The following PRKAR1B variants were observed in gnomAD, a reference collection of about 807,000 sequenced individuals.
PRKAR1B encodes the protein protein kinase cAMP-dependent type I regulatory subunit beta.
A neutral mutation model predicts 46.5 loss-of-function variants in PRKAR1B; 22 were observed. The ratio of observed to expected loss-of-function variants is 0.47; its 90% confidence interval spans 0.34 to 0.68. PRKAR1B has a LOEUF of 0.68. PRKAR1B is among the 30% of genes least tolerant of loss of function. PRKAR1B has a pLI of 0.01. For synonymous variants in PRKAR1B, 259 were observed against 217.7 expected (o/e 1.19, Z -1.67); for missense variants, 445 against 535.6 (o/e 0.83, Z 1.67).
chr7:649,587 T>A (rs540068130), intron 4 of PRKAR1B, among the ~76,000 whole-genome samples: 1 of 151,494 alleles, frequency 6.6e-6, no homozygotes, highest in East Asian at 1.9e-4. Context: ...TTATTTATTT[T>A]TATTTTTTGA....
At chr7:610,391 G>C (rs1782413533) in intron 4 of PRKAR1B, among the ~76,000 whole-genome samples, 1 of 152,212 alleles carries the variant, frequency 6.6e-6, no homozygotes, top group Admixed American at 6.5e-5. Flanking sequence ...CCCTCCTGGA[G>C]TGCCTCTTAA....
At chr7:605,941 C>T (rs539924131) in intron 6 of PRKAR1B, among the ~76,000 whole-genome samples, 101 of 152,302 alleles carry the variant, frequency 6.6e-4, no homozygotes, top group African/African-American at 2.1e-3. Context: ...CGGGGGCAAG[C>T]GGAAGACAGC....
chr7:575,530 A>C (rs1230828374), intron 9 of PRKAR1B, among the ~76,000 whole-genome samples: 4 of 152,152 alleles, frequency 2.6e-5, no homozygotes, highest in African/African-American at 9.7e-5. Context: ...ATTTGAAGCC[A>C]TCTTTTTTTG....
intron 2 of PRKAR1B, among the ~76,000 whole-genome samples, chr7:695,170 A>G (rs1340249512): frequency 6.6e-6 from 1 of 152,152 alleles, no homozygotes; most frequent in African/African-American, 2.4e-5. Flanking sequence ...TCAGCTACTC[A>G]CAGTCGCTCT....
At chr7:707,713 G>C (rs1780404144) in intron 2 of PRKAR1B, among the ~76,000 whole-genome samples, 1 of 152,168 alleles carries the variant, frequency 6.6e-6, no homozygotes, top group Admixed American at 6.6e-5. Context: ...ACACTGTCAG[G>C]GGGCAGAACA....
intron 2 of PRKAR1B, among the ~76,000 whole-genome samples, chr7:685,274 ATATACGTATATATATG>A (rs1164635533): frequency 3.4e-5 from 1 of 29,588 alleles, no homozygotes; most frequent in East Asian, 9.2e-4. Context: ...ATATACGTAT[ATATACGTATATATATG>A]TATACATATA....
chr7:726,940 GCGCGCCTACTGCTGC>G (rs1194168291), intron 1 of PRKAR1B: 2 of 1,340,196 alleles, frequency 1.5e-6, no homozygotes, highest in Non-Finnish European at 1.9e-6. Context: ...GGGCCCCTGG[GCGCGCCTACTGCTGC>G]CGCGCTTGCT....
chr7:583,115 G>A (rs1780294675), intron 8 of PRKAR1B, among the ~76,000 whole-genome samples: 1 of 152,066 alleles, frequency 6.6e-6, no homozygotes, highest in South Asian at 2.1e-4. Context: ...GGGTGAGGAC[G>A]GGGCTCTGGG....
intron 9 of PRKAR1B, among the ~76,000 whole-genome samples, chr7:556,663 G>A (rs1562516323): frequency 6.6e-6 from 1 of 152,190 alleles, no homozygotes; most frequent in Non-Finnish European, 1.5e-5. Flanking sequence ...TGGACAGGAG[G>A]GGCCGAGGCC....
chr7:655,181 A>G (rs1250031733), intron 4 of PRKAR1B, among the ~76,000 whole-genome samples: 2 of 152,216 alleles, frequency 1.3e-5, no homozygotes, highest in Admixed American at 1.3e-4. Context: ...AAGAGCCGAC[A>G]TGCTATGCCT....
At chr7:706,444 G>T (rs1298634302) in intron 2 of PRKAR1B, among the ~76,000 whole-genome samples, 2 of 39,996 alleles carry the variant, frequency 5.0e-5, no homozygotes, top group African/African-American at 9.3e-5. Context: ...TTTTTTTTGA[G>T]ACGGAGTCTC....
intron 4 of PRKAR1B, among the ~76,000 whole-genome samples, chr7:632,516 T>C (rs1461255034): frequency 3.3e-5 from 5 of 152,206 alleles, no homozygotes; most frequent in African/African-American, 7.2e-5. Context: ...TGCCGGGTCA[T>C]GGCACTGGTA....
chr7:604,990 T>C (rs1328889276), intron 6 of PRKAR1B, among the ~76,000 whole-genome samples: 2 of 151,994 alleles, frequency 1.3e-5, no homozygotes, highest in Non-Finnish European at 2.9e-5. Context: ...TTCCAGTCTG[T>C]GTGCAGAAAG....
chr7:566,101 G>A (rs1457758517), intron 9 of PRKAR1B, among the ~76,000 whole-genome samples: 1 of 105,284 alleles, frequency 9.5e-6, no homozygotes, highest in Admixed American at 9.3e-5. Flanking sequence ...GTTTGAAACA[G>A]AGTAAAAGCT....
At chr7:564,855 C>A (rs1172283081) in intron 9 of PRKAR1B, among the ~76,000 whole-genome samples, 2 of 152,160 alleles carry the variant, frequency 1.3e-5, no homozygotes, top group East Asian at 1.9e-4. Flanking sequence ...CAGGCGGATG[C>A]CCCCCAACCT....
intron 9 of PRKAR1B, among the ~76,000 whole-genome samples, chr7:556,233 C>T (rs1454019186): frequency 1.3e-5 from 2 of 152,084 alleles, no homozygotes; most frequent in African/African-American, 2.4e-5. Flanking sequence ...TGACTGGACA[C>T]CCACCACGTG....
chr7:625,587 GCTACAGGTCCTATGGACAAGGGGCATCA>G (rs1783343114), intron 4 of PRKAR1B, among the ~76,000 whole-genome samples: 1 of 145,792 alleles, frequency 6.9e-6, no homozygotes, highest in Non-Finnish European at 1.5e-5. Context: ...AAGGGGCACC[GCTACAGGTCCTATGGACAAGGGGCATCA>G]CTACAGGTCC....
chr7:703,861 A>G (rs1780183698), intron 2 of PRKAR1B, among the ~76,000 whole-genome samples: 1 of 152,162 alleles, frequency 6.6e-6, no homozygotes, highest in South Asian at 2.1e-4. Flanking sequence ...AAACCATATA[A>G]GCTATGTTCC....
intron 2 of PRKAR1B, among the ~76,000 whole-genome samples, chr7:701,470 G>A (rs1780066584): frequency 6.6e-6 from 1 of 152,086 alleles, no homozygotes; most frequent in Non-Finnish European, 1.5e-5. Flanking sequence ...AAATATATTT[G>A]AAGACATGAT....
Sources: gnomAD v4.1 joint callset for allele counts (sites outside exome capture counted in the v4.1 genomes callset) on GRCh38, gnomAD v4.1.1 for gene constraint, MANE v1.5 for transcripts, NCBI Gene and HGNC (gene_info 2026-07-23, HGNC 2026-07-21) for gene names.